The following SOX5 variants were observed in gnomAD, a reference collection of about 807,000 sequenced individuals.
SOX5 encodes transcription factor SOX-5.
SOX5 carries 9 observed loss-of-function variants against 92.0 expected under a neutral mutation model. That is an observed-to-expected ratio of 0.10 (90% CI 0.06 to 0.17). SOX5 has a LOEUF of 0.17. Ranked by LOEUF, SOX5 falls within the 10% of genes least tolerant of loss-of-function variation. SOX5 has a pLI of 1.00. For missense variants in SOX5, 642 were observed against 944.5 expected (o/e 0.68, Z 4.20); for synonymous variants, 344 against 336.3 (o/e 1.02, Z -0.25).
At chr12:24,383,695 C>T (rs1270405718) in intron 1 of SOX5, among the ~76,000 whole-genome samples, 2 of 152,268 alleles carry the variant, frequency 1.3e-5, no homozygotes, top group South Asian at 4.2e-4. Flanking sequence ...ACCCTTATGG[C>T]AGCAGTCCCC....
chr12:24,458,618 C>T (rs1412508002), intron 1 of SOX5, among the ~76,000 whole-genome samples: 2 of 152,134 alleles, frequency 1.3e-5, no homozygotes, highest in African/African-American at 4.8e-5. Flanking sequence ...GATTGGAAAC[C>T]TGCCCTTATC....
intron 4 of SOX5, among the ~76,000 whole-genome samples, chr12:24,115,016 A>T (rs556392077): frequency 6.6e-6 from 1 of 152,228 alleles, no homozygotes; most frequent in Non-Finnish European, 1.5e-5. Flanking sequence ...AGATGTGATA[A>T]AAGTTTTATA....
intron 2 of SOX5, among the ~76,000 whole-genome samples, chr12:24,312,140 A>G (rs1446813280): frequency 6.6e-6 from 1 of 152,208 alleles, no homozygotes; most frequent in African/African-American, 2.4e-5. Flanking sequence ...GCTCCCACTG[A>G]TGACAAATAT....
At chr12:23,973,209 T>C (rs1048778458) in intron 4 of SOX5, among the ~76,000 whole-genome samples, 1 of 147,116 alleles carries the variant, frequency 6.8e-6, no homozygotes. Context: ...TTGCCCAGGC[T>C]GGAGTGCAGT....
intron 4 of SOX5, among the ~76,000 whole-genome samples, chr12:24,055,734 T>A (rs955279446): frequency 6.6e-6 from 1 of 152,170 alleles, no homozygotes; most frequent in African/African-American, 2.4e-5. Context: ...AAGAATATTT[T>A]AAACAATGAA....
chr12:24,387,811 G>A (rs61912579), intron 1 of SOX5, among the ~76,000 whole-genome samples: 17,070 of 151,944 alleles, frequency 0.11, 1,210 homozygotes, highest in Non-Finnish European at 0.17. Context: ...TTTTTCTTCT[G>A]TCACTTCTCT....
At chr12:24,204,344 T>TTA in intron 4 of SOX5, among the ~76,000 whole-genome samples, 1 of 151,526 alleles carries the variant, frequency 6.6e-6, no homozygotes, top group East Asian at 1.9e-4. Flanking sequence ...ATTATTATTA[T>TTA]TTGAGATGGA....
chr12:23,673,175 T>A (rs937363903), intron 6 of SOX5, among the ~76,000 whole-genome samples: 2 of 152,182 alleles, frequency 1.3e-5, no homozygotes, highest in Admixed American at 1.3e-4. Flanking sequence ...TTGAGCTGAA[T>A]AAATGAATTC....
chr12:24,487,748 G>A (rs1946660478), intron 1 of SOX5, among the ~76,000 whole-genome samples: 1 of 152,120 alleles, frequency 6.6e-6, no homozygotes, highest in Admixed American at 6.5e-5. Context: ...CATTCAAAGA[G>A]GTTGTCATCA....
At chr12:24,077,553 T>C (rs1410535472) in intron 4 of SOX5, among the ~76,000 whole-genome samples, 3 of 151,806 alleles carry the variant, frequency 2.0e-5, no homozygotes, top group Non-Finnish European at 4.4e-5. Flanking sequence ...CTAGATCTGA[T>C]TGCAAGGAGT....
intron 4 of SOX5, among the ~76,000 whole-genome samples, chr12:24,054,753 C>T (rs1178547995): frequency 6.6e-6 from 1 of 152,226 alleles, no homozygotes; most frequent in Non-Finnish European, 1.5e-5. Context: ...CCAGATTCAA[C>T]ATGCACATTA....
At chr12:24,522,234 G>A in intron 1 of SOX5, among the ~76,000 whole-genome samples, 1 of 151,116 alleles carries the variant, frequency 6.6e-6, no homozygotes, top group Non-Finnish European at 1.5e-5. Flanking sequence ...GAAACAGAAA[G>A]TCTGAACAGA....
At chr12:24,086,633 T>C (rs1018127455) in intron 4 of SOX5, among the ~76,000 whole-genome samples, 1 of 152,032 alleles carries the variant, frequency 6.6e-6, no homozygotes, top group African/African-American at 2.4e-5. Context: ...AAACCCAATC[T>C]TTTGTTTGTA....
At chr12:24,467,138 A>T (rs1413373287) in intron 1 of SOX5, among the ~76,000 whole-genome samples, 2 of 152,208 alleles carry the variant, frequency 1.3e-5, no homozygotes, top group African/African-American at 4.8e-5. Flanking sequence ...CTGACAGTAA[A>T]TCATATCCTA....
chr12:23,600,522 C>CATATATATATATATAT (rs371480644), intron 9 of SOX5, among the ~76,000 whole-genome samples: 2,784 of 39,250 alleles, frequency 0.071, 314 homozygotes, highest in African/African-American at 0.085. Flanking sequence ...GGGGGGGGTG[C>CATATATATATATATAT]ATATATATAT....
chr12:23,930,237 C>T (rs1361545322), intron 1 of SOX5, among the ~76,000 whole-genome samples: 2 of 151,838 alleles, frequency 1.3e-5, no homozygotes, highest in Non-Finnish European at 2.9e-5. Flanking sequence ...TAGAATGCTT[C>T]ATTTTTAATT....
At chr12:23,613,871 G>A (rs2076250135) in intron 8 of SOX5, among the ~76,000 whole-genome samples, 1 of 152,108 alleles carries the variant, frequency 6.6e-6, no homozygotes, top group Non-Finnish European at 1.5e-5. Flanking sequence ...AGGGGAGGGA[G>A]GAATTAGGAA....
chr12:24,447,354 G>A (rs552192688), intron 1 of SOX5, among the ~76,000 whole-genome samples: 1 of 152,120 alleles, frequency 6.6e-6, no homozygotes, highest in African/African-American at 2.4e-5. Context: ...CATCCATGAG[G>A]AAAACATCAG....
chr12:23,948,376 T>C (rs1307497216), intron 1 of SOX5, among the ~76,000 whole-genome samples: 1 of 152,140 alleles, frequency 6.6e-6, no homozygotes, highest in African/African-American at 2.4e-5. Flanking sequence ...TCTCTTCCAT[T>C]GCTTCACTTC....
Sources: allele counts gnomAD v4.1 joint callset (sites outside exome capture counted in the v4.1 genomes callset), GRCh38; gene constraint gnomAD v4.1.1; transcripts MANE v1.5; gene names NCBI Gene and HGNC (gene_info 2026-07-23, HGNC 2026-07-21).